CACNA2D4: variants seen among roughly 807,000 people sequenced by gnomAD.
CACNA2D4 encodes voltage-dependent calcium channel subunit alpha-2/delta-4.
A neutral mutation model predicts 163.8 loss-of-function variants in CACNA2D4; 157 were observed. The ratio of observed to expected loss-of-function variants is 0.96; its 90% CI spans 0.84 to 1.09. The LOEUF is 1.09. CACNA2D4 is among the 50% of genes least tolerant of loss of function. The pLI, the probability that CACNA2D4 is intolerant of heterozygous loss-of-function variation, is 0.00. For missense variants in CACNA2D4, 1,410 were observed against 1,479.9 expected, an observed-to-expected ratio of 0.95 and a Z score of 0.78; for synonymous variants, 598 against 586.9, an observed-to-expected ratio of 1.02 and a Z score of -0.27.
At chr12:1,809,482 T>C (rs1197250819) in intron 29 of CACNA2D4, 4 of 699,836 alleles carry the variant, frequency 5.7e-6, no homozygotes, top group Non-Finnish European at 1.0e-5. Context: ...CTGATGCTTC[T>C]GCCTTGCTTC....
chr12:1,898,555 T>C (rs1468062105), intron 6 of CACNA2D4, among the ~76,000 whole-genome samples: 2 of 129,438 alleles, frequency 1.5e-5, no homozygotes, highest in South Asian at 2.9e-4. Context: ...GGATGGCTAC[T>C]ACCAGGAAAA....
intron 24 of CACNA2D4, 97 bp downstream of exon 24, chr12:1,846,497 C>G: frequency 1.0e-6 from 1 of 975,228 alleles, no homozygotes; most frequent in Non-Finnish European, 1.5e-6. Context: ...GCTGGAGACC[C>G]GGTGCCAGTC....
rs1866773498 is a variant in CACNA2D4 at position 1,909,918 on chromosome 12, A to G, written c.474T>C (p.Asn158=). ...GAGTGGGACTCACCACCAGGGATTCATTGAATTCGTGGTTCAGGTCGGCCT... is the reference window on the plus strand; with the variant it reads ...GAGTGGGACTCACCACCAGGGATTCGTTGAATTCGTGGTTCAGGTCGGCCT... ...AEEADLNHEF[N]ESLVFDYYNS... The change falls in exon 4 of 38, where the codon AAT becomes AAC. Residue 158 remains asparagine, a synonymous_variant. Coordinates refer to ENST00000382722, the MANE Select transcript of CACNA2D4 (RefSeq NM_172364.5). 3 of 1,613,778 alleles carry G rather than the reference A, an allele frequency of 1.9e-6. No individual in the cohort carries two copies. Among genetic ancestry groups the G allele is most frequent in the Non-Finnish European group, 2.5e-6 (3 of 1,179,764 alleles).
chr12:1,864,043 G>C (rs2154448717), intron 18 of CACNA2D4, among the ~76,000 whole-genome samples: 1 of 152,350 alleles, frequency 6.6e-6, no homozygotes, highest in South Asian at 2.1e-4. Context: ...GGCCCATCCC[G>C]TCCAAAGACA....
At chr12:1,804,630 G>GA (rs1863458975) in intron 29 of CACNA2D4, among the ~76,000 whole-genome samples, 1 of 152,230 alleles carries the variant, frequency 6.6e-6, no homozygotes, top group African/African-American at 2.4e-5. Context: ...TGTGCTCAGC[G>GA]AAAAGACTAC....
At chr12:1,909,866 A>C in intron 4 of CACNA2D4, 40 bp downstream of exon 4, 1 of 1,589,222 alleles carries the variant, frequency 6.3e-7, no homozygotes, top group Non-Finnish European at 8.6e-7. Flanking sequence ...TACTCAGGCG[A>C]TCCTGGCCCT....
rs1863171497 is a variant in CACNA2D4 at position 1,797,533 on chromosome 12, GGGCTGCGGGC to G, written c.2996-8_2997del. On this transcript the variant is annotated splice_acceptor_variant and splice_polypyrimidine_tract_variant and coding_sequence_variant and intron_variant, in exon 35 of 38. Coordinates refer to ENST00000382722, the MANE Select transcript of CACNA2D4 (RefSeq NM_172364.5). LOFTEE classifies it high-confidence loss of function. ...AGCGGGTCCTGCTTCTTGTGTTTGT[GGGCTGCGGGC>G]GGAGAAAGGACATCACGCCACCGAA... 1 of 1,559,022 alleles carries G rather than the reference GGGCTGCGGGC, an allele frequency of 6.4e-7. No homozygotes were observed. Among genetic ancestry groups the G allele is most frequent in the Middle Eastern group, 1.7e-4 (1 of 6,004 alleles).
chr12:1,825,275 C>G (rs750087266), intron 26 of CACNA2D4, among the ~76,000 whole-genome samples: 1 of 152,162 alleles, frequency 6.6e-6, no homozygotes, highest in Non-Finnish European at 1.5e-5. Context: ...AGGAGCCTAT[C>G]CAGGGGAGGC....
chr12:1,806,342 G>A lies in CACNA2D4; in HGVS notation c.2721+3936C>T, dbSNP rs938590805. ...TCATCCATAACTCTTATAAGAATGA[G>A]CCCTGGCCTGGAAGAGAGGCCAAAT... On this transcript the variant is annotated intron_variant, in intron 29 of 37. Coordinates refer to ENST00000382722, the MANE Select transcript of CACNA2D4 (RefSeq NM_172364.5). This position sits in a 1 kb window ranked among gnomAD's most constrained non-coding sequence, Gnocchi z 4.1. 2.6e-5 allele frequency among the ~76,000 whole-genome samples: 4 copies of A among 152,146 alleles called. No individual in the cohort carries two copies. The highest frequency in any genetic ancestry group is 9.7e-5 in the African/African-American group (4 of 41,406).
intron 1 of CACNA2D4, 29 bp downstream of exon 1, chr12:1,918,218 T>G: frequency 1.3e-6 from 2 of 1,527,156 alleles, no homozygotes; most frequent in Non-Finnish European, 1.8e-6. Context: ...TGACCGGGTT[T>G]TTGGGGTGGG....
intron 29 of CACNA2D4, among the ~76,000 whole-genome samples, chr12:1,804,965 A>G (rs1360709352): frequency 6.6e-6 from 1 of 152,242 alleles, no homozygotes; most frequent in Non-Finnish European, 1.5e-5. Context: ...CCCCGACTCA[A>G]ATACAGTCCC....
rs1032244677 is a variant in CACNA2D4, at chr12:1,829,475, C to T, written c.2551+11264G>A. The stretch of plus-strand genomic sequence containing the variant: ...GGTGGCTTCCATGGCTGTACCTGTG[C>T]TCACTTCTCGCCAAGAACAGTGAGG... On this transcript the variant is annotated intron_variant, in intron 26 of 37. Transcript: ENST00000382722. The surrounding 1 kb of genome is among the most constrained non-coding windows in gnomAD (Gnocchi z 4.2). Among the ~76,000 whole-genome samples, 1 of 152,028 alleles carries T rather than the reference C, an allele frequency of 6.6e-6. No homozygotes were observed. Among genetic ancestry groups the T allele is most frequent in the Non-Finnish European group, 1.5e-5 (1 of 67,988 alleles).
At chr12:1,858,531 C>A (rs1865450969) in intron 20 of CACNA2D4, 46 bp downstream of exon 20, 5 of 1,562,510 alleles carry the variant, frequency 3.2e-6, no homozygotes, top group Non-Finnish European at 4.4e-6. Flanking sequence ...CATGAGAGCC[C>A]ATTATTTTCT....
chr12:1,887,570 A>G (rs555296380), intron 6 of CACNA2D4, among the ~76,000 whole-genome samples: 1 of 152,326 alleles, frequency 6.6e-6, no homozygotes, highest in East Asian at 1.9e-4. Flanking sequence ...GATTCCTAGA[A>G]CCCAGCAGAG....
chr12:1,884,986 C>A lies in CACNA2D4; in HGVS notation c.1158+1G>T. ...CTCCCAGGCCTCATTACAGTGGGCACCTGCTTCAGGATCTGGAAGGCTTCT... is the reference window on the plus strand; with the variant it reads ...CTCCCAGGCCTCATTACAGTGGGCAACTGCTTCAGGATCTGGAAGGCTTCT... On this transcript the variant is annotated splice_donor_variant, in intron 10 of 37. Transcript: ENST00000382722. LOFTEE classifies it high-confidence loss of function. 6.2e-7 allele frequency: 1 copy of A among 1,613,578 alleles called. No homozygotes were observed. The highest frequency in any genetic ancestry group is 8.5e-7 in the Non-Finnish European group (1 of 1,179,518).
intron 18 of CACNA2D4, among the ~76,000 whole-genome samples, chr12:1,864,556 C>T (rs1865598425): frequency 6.6e-6 from 1 of 152,206 alleles, no homozygotes; most frequent in South Asian, 2.1e-4. Flanking sequence ...GAGACCCCAG[C>T]AGCTCTGTGC....
chr12:1,806,412 C>T lies in CACNA2D4; in HGVS notation c.2721+3866G>A, dbSNP rs1386676371. Among the ~76,000 whole-genome samples, 1 of 152,180 alleles carries T rather than the reference C, an allele frequency of 6.6e-6. No individual in the cohort carries two copies. The highest frequency in any genetic ancestry group is 1.5e-5 in the Non-Finnish European group (1 of 68,030). On this transcript the variant is annotated intron_variant, in intron 29 of 37. Transcript: ENST00000382722. The surrounding 1 kb of genome is among the most constrained non-coding windows in gnomAD (Gnocchi z 4.1). The stretch of plus-strand genomic sequence containing the variant: ...AACACCGCCGGTGCCAAGAAAGAGC[C>T]AAGCAGCCACTCCCTGGGGCTGGCT...
At chr12:1,819,447 C>T (rs1482403965) in intron 26 of CACNA2D4, among the ~76,000 whole-genome samples, 2 of 152,076 alleles carry the variant, frequency 1.3e-5, no homozygotes, top group Non-Finnish European at 2.9e-5. Flanking sequence ...TCTTCTACAC[C>T]CACCCCAGTC....
intron 26 of CACNA2D4, among the ~76,000 whole-genome samples, chr12:1,815,764 G>A (rs1222482039): frequency 6.6e-6 from 1 of 152,132 alleles, no homozygotes; most frequent in Non-Finnish European, 1.5e-5. Context: ...CCATTTTGCT[G>A]TGCCCTCTCA....
Sources: allele counts gnomAD v4.1 joint callset (sites outside exome capture counted in the v4.1 genomes callset), GRCh38; gene constraint gnomAD v4.1.1; non-coding constraint Gnocchi (gnomAD v3.1); transcripts MANE v1.5; gene names NCBI Gene and HGNC (gene_info 2026-07-23, HGNC 2026-07-21).